Variants in DLC1 observed in about 807,000 individuals in gnomAD.
DLC1 encodes the protein rho GTPase-activating protein 7.
DLC1 carries 54 observed loss-of-function variants against 140.3 expected under a neutral mutation model. That is an observed-to-expected ratio of 0.38 (90% CI 0.31 to 0.48). The LOEUF (loss-of-function observed/expected upper bound fraction) is 0.48. Ranked by LOEUF, DLC1 falls within the 20% of genes least tolerant of loss-of-function variation. The probability of loss-of-function intolerance (pLI) is 0.96; values close to 1 mark genes in which losing one functional copy is unlikely to be tolerated. For synonymous variants in DLC1, 986 were observed against 728.1 expected (o/e 1.35, Z -5.70); for missense variants, 2,536 against 1,907.0 (o/e 1.33, Z -6.14).
chr8:13,332,837 T>C (rs1268176793), intron 4 of DLC1, among the ~76,000 whole-genome samples: 2 of 152,202 alleles, frequency 1.3e-5, no homozygotes, highest in African/African-American at 4.8e-5. Flanking sequence ...TATAGTTTAT[T>C]TGGAACAATA....
intron 5 of DLC1, among the ~76,000 whole-genome samples, chr8:13,282,606 T>G (rs1235727007): frequency 6.6e-6 from 1 of 152,190 alleles, no homozygotes; most frequent in Non-Finnish European, 1.5e-5. Context: ...TTTATTTTGT[T>G]CTTCATTTTA....
intron 5 of DLC1, among the ~76,000 whole-genome samples, chr8:13,120,720 T>C (rs923409830): frequency 2.0e-4 from 30 of 152,158 alleles, no homozygotes; most frequent in African/African-American, 4.8e-5. Context: ...GAAATTTTTA[T>C]TGGAAACAGC....
chr8:13,127,881 C>A (rs543441058), intron 5 of DLC1, among the ~76,000 whole-genome samples: 4 of 152,306 alleles, frequency 2.6e-5, no homozygotes, highest in East Asian at 1.9e-4. Context: ...ATGGGAGGTG[C>A]CAAAGGCATC....
chr8:13,423,888 C>T (rs765822950), intron 2 of DLC1, among the ~76,000 whole-genome samples: 75 of 152,002 alleles, frequency 4.9e-4, no homozygotes, highest in Non-Finnish European at 9.3e-4. Context: ...AGCTCTGATC[C>T]ATTACAGACT....
At chr8:13,297,040 T>A (rs1831984933) in intron 5 of DLC1, among the ~76,000 whole-genome samples, 1 of 151,836 alleles carries the variant, frequency 6.6e-6, no homozygotes, top group South Asian at 2.1e-4. Flanking sequence ...TGGAAAATTA[T>A]CTGTATTTTA....
intron 2 of DLC1, among the ~76,000 whole-genome samples, 183 bp from the exon 3 acceptor site, chr8:13,401,802 G>A (rs1198069997): frequency 1.3e-5 from 2 of 152,108 alleles, no homozygotes; most frequent in Non-Finnish European, 1.5e-5. Context: ...CTAGTGCCAA[G>A]AAAGCATTTT....
At chr8:13,120,356 A>AAAAAAAATATATATATAT in intron 5 of DLC1, among the ~76,000 whole-genome samples, 9 of 61,120 alleles carry the variant, frequency 1.5e-4, no homozygotes, top group African/African-American at 3.7e-4. Context: ...AAAAAAAAAA[A>AAAAAAAATATATATATAT]ATATATATAT....
chr8:13,580,283 C>T (rs903906862), intron 1 of DLC1, among the ~76,000 whole-genome samples: 4 of 151,988 alleles, frequency 2.6e-5, no homozygotes. Flanking sequence ...CCACCACGCG[C>T]GGCTAATTTT....
At chr8:13,304,644 T>C in intron 5 of DLC1, 1 of 924,082 alleles carries the variant, frequency 1.1e-6, no homozygotes, top group Non-Finnish European at 1.3e-6. Context: ...TGTTTTCGTT[T>C]TTATTACACA....
At chr8:13,128,753 T>G (rs1182938187) in intron 5 of DLC1, among the ~76,000 whole-genome samples, 1 of 151,010 alleles carries the variant, frequency 6.6e-6, no homozygotes. Context: ...GAGAATGGCG[T>G]GAACCCGGGA....
chr8:13,354,658 A>T (rs1354896754), intron 4 of DLC1, among the ~76,000 whole-genome samples: 1 of 152,066 alleles, frequency 6.6e-6, no homozygotes, highest in Non-Finnish European at 1.5e-5. Flanking sequence ...GAAAATTTTA[A>T]ATCGGGTCAG....
intron 2 of DLC1, among the ~76,000 whole-genome samples, chr8:13,411,557 A>G (rs1160154287): frequency 6.6e-6 from 1 of 152,190 alleles, no homozygotes; most frequent in Non-Finnish European, 1.5e-5. Flanking sequence ...AGTGATACTG[A>G]CATGTCATTG....
At chr8:13,299,172 G>T (rs1027336791) in intron 5 of DLC1, among the ~76,000 whole-genome samples, 2 of 152,078 alleles carry the variant, frequency 1.3e-5, no homozygotes, top group Non-Finnish European at 2.9e-5. Context: ...GATGGGTGGG[G>T]TGGCTCATGC....
At chr8:13,255,798 C>T (rs1830200493) in intron 5 of DLC1, among the ~76,000 whole-genome samples, 1 of 152,194 alleles carries the variant, frequency 6.6e-6, no homozygotes, top group Non-Finnish European at 1.5e-5. Flanking sequence ...TATCCACGCT[C>T]GTCTTTGCAG....
At chr8:13,292,116 T>C (rs1251185333) in intron 5 of DLC1, among the ~76,000 whole-genome samples, 1 of 152,230 alleles carries the variant, frequency 6.6e-6, no homozygotes, top group Non-Finnish European at 1.5e-5. Context: ...TTGTTTTGTT[T>C]TCTTTTTTTA....
chr8:13,476,714 C>T (rs1382918459), intron 2 of DLC1, among the ~76,000 whole-genome samples: 2 of 152,072 alleles, frequency 1.3e-5, no homozygotes, highest in Non-Finnish European at 2.9e-5. Flanking sequence ...ATCATTTATT[C>T]AACTTTGAAT....
intron 5 of DLC1, among the ~76,000 whole-genome samples, chr8:13,145,687 G>A (rs1026251591): frequency 6.6e-6 from 1 of 152,156 alleles, no homozygotes; most frequent in African/African-American, 2.4e-5. Context: ...TTACACAGCA[G>A]TGAAAATAAA....
intron 4 of DLC1, among the ~76,000 whole-genome samples, chr8:13,319,484 G>C (rs1031694952): frequency 1.8e-5 from 2 of 110,966 alleles, no homozygotes; most frequent in African/African-American, 3.3e-5. Context: ...CGGGGGGGGG[G>C]GGTGGATTTC....
intron 5 of DLC1, among the ~76,000 whole-genome samples, chr8:13,303,577 G>A (rs897381473): frequency 3.3e-5 from 5 of 152,070 alleles, no homozygotes; most frequent in East Asian, 1.9e-4. Flanking sequence ...CGAGGCGGGC[G>A]GATCACCTGA....
Sources: gnomAD v4.1 joint callset for allele counts (sites outside exome capture counted in the v4.1 genomes callset) on GRCh38, gnomAD v4.1.1 for gene constraint, MANE v1.5 for transcripts, NCBI Gene and HGNC (gene_info 2026-07-23, HGNC 2026-07-21) for gene names.